The following EBNA1BP2 variants were observed in gnomAD, a reference collection of about 807,000 sequenced individuals.
EBNA1BP2 encodes the protein EBNA1 binding protein 2.
A neutral mutation model predicts 43.5 loss-of-function variants in EBNA1BP2; 36 were observed. The ratio of observed to expected loss-of-function variants is 0.83; its 90% CI spans 0.63 to 1.09. The LOEUF (loss-of-function observed/expected upper bound fraction) is 1.09. EBNA1BP2 is among the 50% of genes least tolerant of loss of function. The probability of loss-of-function intolerance (pLI) is 0.00; values close to 1 mark genes in which losing one functional copy is unlikely to be tolerated. For missense variants in EBNA1BP2, 332 were observed against 379.1 expected (o/e 0.88, Z 1.03); for synonymous variants, 127 against 141.3 (o/e 0.90, Z 0.72).
chr1:43,166,724 TC>T (rs1315807486), intron 7 of EBNA1BP2, 101 bp downstream of exon 7: 6 of 1,208,538 alleles, frequency 5.0e-6, no homozygotes, highest in Non-Finnish European at 7.0e-6. Context: ...CTCTCTGGAC[TC>T]TATGGCTGCG....
Position 43,171,959 on chromosome 1 carries a change from G to T in EBNA1BP2, c.77C>A (p.Ala26Glu). 6.2e-7 allele frequency: 1 copy of T among 1,614,142 alleles called. No individual in the cohort carries two copies. The highest frequency in any genetic ancestry group is 1.7e-5 in the Admixed American group (1 of 60,016). Residue 26 changes from alanine (A) to glutamate (E), a missense_variant, in exon 2 of 9, where the codon GCG becomes GAG. Ala to Glu is a moderately radical substitution (Grantham distance 107). Coordinates refer to ENST00000236051, the MANE Select transcript of EBNA1BP2 (RefSeq NM_006824.3). ...SLVTDRELQD[A>E]FSRGLLKPGL... is the part of the protein sequence containing the mutation. The stretch of plus-strand genomic sequence containing the variant: ...TGGCTTCAGAAGCCCTCGGGAAAAC[G>T]CATCCTGCAACTGCAGGACACAATC...
At chr1:43,169,913 A>G (rs532522021) in intron 4 of EBNA1BP2, among the ~76,000 whole-genome samples, 1 of 151,934 alleles carries the variant, frequency 6.6e-6, no homozygotes, top group African/African-American at 2.4e-5. Context: ...CTATGCATGC[A>G]AAGGATCTAG....
chr1:43,166,252 C>T (rs551269770), intron 7 of EBNA1BP2, among the ~76,000 whole-genome samples: 13 of 152,308 alleles, frequency 8.5e-5, no homozygotes, highest in African/African-American at 2.9e-4. Context: ...TCTCAACCAT[C>T]GCACTGTGTG....
chr1:43,172,021 C>T (rs1276867497), intron 1 of EBNA1BP2, 32 bp downstream of exon 1: 1 of 1,614,054 alleles, frequency 6.2e-7, no homozygotes, highest in Non-Finnish European at 8.5e-7. Context: ...CCCTCTCCCA[C>T]GCCCAGCCCC....
Position 43,172,284 on chromosome 1 carries a change from A to C in EBNA1BP2, c.-166T>G, listed in dbSNP as rs1393046034. 1 of 1,552,358 alleles carries C rather than the reference A, an allele frequency of 6.4e-7. No homozygotes were observed. The highest frequency in any genetic ancestry group is 1.7e-4 in the Middle Eastern group (1 of 5,992). ...GCTCCAGCGCCAGCAACTCACAGCT[A>C]CTGCTCAACTTTTGATTGGGACTTC... On this transcript the variant is annotated 5_prime_UTR_variant, in exon 1 of 9. Coordinates refer to ENST00000236051, the MANE Select transcript of EBNA1BP2 (RefSeq NM_006824.3).
intron 2 of EBNA1BP2, 24 bp downstream of exon 2, chr1:43,171,862 C>T (rs1286477206): frequency 2.5e-6 from 4 of 1,612,484 alleles, no homozygotes; most frequent in Non-Finnish European, 3.4e-6. Context: ...GTCCGAGTAC[C>T]CCCGACCCTG....
At chr1:43,170,342 A>C (rs1434761358) in intron 4 of EBNA1BP2, among the ~76,000 whole-genome samples, 1 of 152,168 alleles carries the variant, frequency 6.6e-6, no homozygotes, top group African/African-American at 2.4e-5. Context: ...CTATATCTGA[A>C]CCATCTAAGA....
In EBNA1BP2 at chr1:43,164,698, C is replaced by G. The variant is rs765659667; in HGVS notation, c.815G>C (p.Arg272Pro). The change falls in exon 8 of 9, where the codon CGG becomes CCG. Residue 272 changes from arginine (R) to proline (P), a missense_variant. Coordinates refer to ENST00000236051, the MANE Select transcript of EBNA1BP2 (RefSeq NM_006824.3). ...GCCTCTGCCATGAGCTGTCTTGGCCCGGAAGCTAGATACATCATCATAGCT... is the reference window on the plus strand; with the variant it reads ...GCCTCTGCCATGAGCTGTCTTGGCCGGGAAGCTAGATACATCATCATAGCT... ...RESYDDVSSFRAKTAHGRGLK... is the reference protein window; with the variant it reads ...RESYDDVSSFPAKTAHGRGLK... The G allele has an allele frequency of 6.2e-7, 1 of 1,614,164 alleles. No individual in the cohort carries two copies. Among genetic ancestry groups the G allele is most frequent in the Non-Finnish European group, 8.5e-7 (1 of 1,180,030 alleles).
rs199984871 is a variant in EBNA1BP2 at position 43,170,705 on chromosome 1, A to G, written c.447+51T>C. ...AGCTATCTTTCTAAGCCAGCTGAAT[A>G]TGCTTAAGTACAAAGTTTTGACTTT... On this transcript the variant is annotated intron_variant, in intron 4 of 8. Transcript: ENST00000236051. The G allele has an allele frequency of 5.7e-4, 899 of 1,576,612 alleles. 9 individuals are homozygous for G. Among genetic ancestry groups the G allele is most frequent in the Non-Finnish European group, 1.2e-4 (144 of 1,164,328 alleles).
chr1:43,166,680 G>A (rs1644920283), intron 7 of EBNA1BP2, 146 bp downstream of exon 7: 1 of 761,106 alleles, frequency 1.3e-6, no homozygotes, highest in Admixed American at 2.7e-5. Flanking sequence ...CCATCACACA[G>A]TCATAGGGGT....
At chr1:43,168,302 T>C (rs975045490) in intron 5 of EBNA1BP2, among the ~76,000 whole-genome samples, 14 of 152,208 alleles carry the variant, frequency 9.2e-5, no homozygotes, top group African/African-American at 3.1e-4. Flanking sequence ...CCAATCTTCC[T>C]CACATTCATT....
upstream of EBNA1BP2, chr1:43,172,330 A>T (rs767584684): frequency 6.4e-7 from 1 of 1,551,542 alleles, no homozygotes; most frequent in South Asian, 1.2e-5. Flanking sequence ...GGCAAACCAT[A>T]CTTCCGGTTT....
At chr1:43,170,986 G>A (rs940452366) in intron 3 of EBNA1BP2, 107 bp from the exon 4 acceptor site, 2 of 1,412,222 alleles carry the variant, frequency 1.4e-6, no homozygotes, top group Non-Finnish European at 1.9e-6. Context: ...CTCAAAATCT[G>A]ACCTCCATTA....
At position 43,171,908 on chromosome 1, in the gene EBNA1BP2, G is replaced by T; in HGVS notation, c.128C>A (p.Pro43Gln). ...CACCACGTCGTTCACGGCCTTCTTC[G>T]GCCCCTCTAGCACGACATTGAGGCC... Reference protein sequence around the residue: ...KPGLNVVLEGPKKAVNDVNGL... With the variant: ...KPGLNVVLEGQKKAVNDVNGL... Residue 43 changes from proline to glutamine, a missense_variant, in exon 2 of 9, where the codon CCG (proline) becomes CAG (glutamine). By Grantham distance (76) the Pro-to-Gln change is moderately conservative. Around this residue, in one of 3 missense-constraint regions of EBNA1BP2, gnomAD observed 182 missense variants for 173.7 expected, o/e 1.05. Coordinates refer to ENST00000236051, the MANE Select transcript of EBNA1BP2 (RefSeq NM_006824.3). 1 of 1,614,050 alleles carries T rather than the reference G, an allele frequency of 6.2e-7. No individual in the cohort carries two copies. The highest frequency in any genetic ancestry group is 1.1e-5 in the South Asian group (1 of 91,086).
intron 4 of EBNA1BP2, among the ~76,000 whole-genome samples, chr1:43,169,801 C>G (rs1644943389): frequency 1.3e-5 from 2 of 152,290 alleles, no homozygotes; most frequent in Middle Eastern, 6.8e-3. Flanking sequence ...AAGTGAGTGA[C>G]AGGCAAGCAA....
rs1425410719 is a variant in EBNA1BP2, at chr1:43,172,122, G to C, written c.-4C>G. 6.2e-7 allele frequency: 1 copy of C among 1,614,044 alleles called. No homozygotes were observed. Among genetic ancestry groups the C allele is most frequent in the South Asian group, 1.1e-5 (1 of 91,080 alleles). ...CCGAGAGCGGGGGAGTGTCCATCTC[G>C]CCGCACGCACGTCCCACACCTACAG... is the stretch of plus-strand genomic sequence containing the variant. On this transcript the variant is annotated 5_prime_UTR_variant, in exon 1 of 9. Coordinates refer to ENST00000236051, the MANE Select transcript of EBNA1BP2 (RefSeq NM_006824.3).
intron 7 of EBNA1BP2, among the ~76,000 whole-genome samples, chr1:43,166,411 C>A (rs1020852757): frequency 6.6e-6 from 1 of 152,162 alleles, no homozygotes; most frequent in Non-Finnish European, 1.5e-5. Context: ...GAGTTCACAA[C>A]CAGCCTGGCC....
intron 4 of EBNA1BP2, 33 bp from the exon 5 acceptor site, chr1:43,169,061 T>C (rs1021956773): frequency 6.2e-7 from 1 of 1,608,230 alleles, no homozygotes; most frequent in Non-Finnish European, 8.5e-7. Flanking sequence ...TTCATGTCAT[T>C]TGAATCTGGA....
In EBNA1BP2 at chr1:43,164,904, C is replaced by T. The variant is rs1644908466; in HGVS notation, c.708-99G>A. ...CAGTTTCCTTTCTATAAGCAAAGCC[C>T]CTTAGGCACGTCTGTAACCCAGAAT... is the stretch of plus-strand genomic sequence containing the variant. On this transcript the variant is annotated intron_variant, in intron 7 of 8. Coordinates refer to ENST00000236051, the MANE Select transcript of EBNA1BP2 (RefSeq NM_006824.3). 4 of 1,461,458 alleles carry T rather than the reference C, an allele frequency of 2.7e-6. No homozygotes were observed. The Admixed American group carries it at 6.1e-5, about 22-fold the overall frequency. The allele number at this position is 1,461,458 out of a possible 1,614,324, so 90.5% of individuals were successfully genotyped here.
Sources: allele counts gnomAD v4.1 joint callset (sites outside exome capture counted in the v4.1 genomes callset), GRCh38; gene constraint gnomAD v4.1.1; regional missense constraint gnomAD v4.1.1; transcripts MANE v1.5; gene names NCBI Gene and HGNC (gene_info 2026-07-23, HGNC 2026-07-21).